Variants in CDH13 observed in about 807,000 individuals in gnomAD.
CDH13 encodes the protein cadherin 13, also known as cadherin-13.
In CDH13, 24 loss-of-function variants were observed where a neutral mutation model predicts 63.8. The observed-to-expected ratio is 0.38, with a 90% CI of 0.27 to 0.53. The LOEUF is 0.53. Among genes scored for constraint, CDH13 ranks in the 20% least tolerant of loss-of-function variants. CDH13 has a pLI of 0.85. For synonymous variants in CDH13, 503 were observed against 355.3 expected (o/e 1.42, Z -4.67); for missense variants, 1,049 against 903.1 (o/e 1.16, Z -2.07).
intron 4 of CDH13, among the ~76,000 whole-genome samples, chr16:83,147,488 G>GTATCC (rs1567876629): frequency 6.6e-6 from 1 of 152,092 alleles, no homozygotes; most frequent in Non-Finnish European, 1.5e-5. Flanking sequence ...TTCTGATCTG[G>GTATCC]TGCCTTATCC....
intron 1 of CDH13, among the ~76,000 whole-genome samples, chr16:82,819,162 A>G (rs1442689561): frequency 3.9e-5 from 6 of 152,224 alleles, no homozygotes; most frequent in Non-Finnish European, 8.8e-5. Context: ...TTTTATTGCC[A>G]CAAAGTAATC....
chr16:82,887,156 C>G (rs1318436189), intron 2 of CDH13, among the ~76,000 whole-genome samples: 1 of 152,122 alleles, frequency 6.6e-6, no homozygotes, highest in Non-Finnish European at 1.5e-5. Flanking sequence ...AAAGATTTAT[C>G]TTCACCAATG....
At chr16:83,443,303 C>T (rs926367895) in intron 6 of CDH13, among the ~76,000 whole-genome samples, 7 of 152,106 alleles carry the variant, frequency 4.6e-5, no homozygotes, top group African/African-American at 1.2e-4. Context: ...GAGGCCCTTC[C>T]GCAACAGGTG....
intron 2 of CDH13, among the ~76,000 whole-genome samples, chr16:82,918,581 T>A (rs941609428): frequency 6.7e-6 from 1 of 149,464 alleles, no homozygotes; most frequent in African/African-American, 2.5e-5. Flanking sequence ...CTATCTCCGA[T>A]CCCTGGAACT....
intron 7 of CDH13, among the ~76,000 whole-genome samples, chr16:83,497,843 A>T (rs78306120): frequency 6.6e-6 from 1 of 152,074 alleles, no homozygotes; most frequent in Non-Finnish European, 1.5e-5. Flanking sequence ...TCATATGTCT[A>T]TATCTGAAGT....
chr16:82,737,607 G>A (rs900191968), intron 1 of CDH13, among the ~76,000 whole-genome samples: 4 of 152,176 alleles, frequency 2.6e-5, no homozygotes, highest in Non-Finnish European at 5.9e-5. Context: ...TAGTGTGGTG[G>A]GGATTTGAGG....
At chr16:82,901,138 T>C (rs1240067553) in intron 2 of CDH13, among the ~76,000 whole-genome samples, 1 of 151,960 alleles carries the variant, frequency 6.6e-6, no homozygotes, top group Non-Finnish European at 1.5e-5. Context: ...GGAATCTGTT[T>C]AGGGAATAAA....
intron 5 of CDH13, among the ~76,000 whole-genome samples, chr16:83,282,006 C>T (rs1252446148): frequency 6.6e-6 from 1 of 152,064 alleles, no homozygotes; most frequent in Non-Finnish European, 1.5e-5. Flanking sequence ...TTCACTTGAA[C>T]ACTTAGAGAC....
At chr16:83,401,719 G>A (rs2091970960) in intron 6 of CDH13, among the ~76,000 whole-genome samples, 1 of 152,148 alleles carries the variant, frequency 6.6e-6, no homozygotes, top group Non-Finnish European at 1.5e-5. Flanking sequence ...TGCGTGACTG[G>A]TAAGTAGCAG....
At chr16:83,026,762 G>C (rs1915844048) in intron 2 of CDH13, among the ~76,000 whole-genome samples, 1 of 152,164 alleles carries the variant, frequency 6.6e-6, no homozygotes, top group Non-Finnish European at 1.5e-5. Flanking sequence ...ATAAATAGTA[G>C]TGCCATGACT....
chr16:83,248,938 G>A (rs1465673948), intron 5 of CDH13, among the ~76,000 whole-genome samples: 4 of 152,106 alleles, frequency 2.6e-5, no homozygotes, highest in South Asian at 2.1e-4. Context: ...CACTTAACTC[G>A]TGCCCTGAAT....
At chr16:83,230,682 G>A (rs207476225) in intron 5 of CDH13, among the ~76,000 whole-genome samples, 3 of 152,174 alleles carry the variant, frequency 2.0e-5, no homozygotes, top group Non-Finnish European at 4.4e-5. Flanking sequence ...AGCTACTTGG[G>A]AGGCTGAGGC....
chr16:83,676,783 T>C (rs1290253479), intron 9 of CDH13, among the ~76,000 whole-genome samples: 3 of 152,230 alleles, frequency 2.0e-5, no homozygotes, highest in Non-Finnish European at 4.4e-5. Flanking sequence ...ATGTGTGGCG[T>C]GCTTAGCACT....
At chr16:83,326,478 G>C (rs1421210224) in intron 5 of CDH13, among the ~76,000 whole-genome samples, 1 of 151,102 alleles carries the variant, frequency 6.6e-6, no homozygotes, top group African/African-American at 2.4e-5. Context: ...GAACTCTATG[G>C]GAGTACAATA....
chr16:82,770,294 C>T (rs552036409), intron 1 of CDH13, among the ~76,000 whole-genome samples: 72 of 152,298 alleles, frequency 4.7e-4, no homozygotes, highest in Middle Eastern at 3.4e-3. Context: ...TGTTACCCAA[C>T]CAATCAGAAA....
rs183594824 is a variant in CDH13 at position 83,534,043 on chromosome 16, C to T, written c.960+47388C>T. Among the ~76,000 whole-genome samples the T allele has an allele frequency of 3.3e-3, 499 of 152,246 alleles. 3 individuals carry two copies. The highest frequency in any genetic ancestry group is 0.011 in the African/African-American group (477 of 41,520). ...AATTCAGTGCCATTTAGTGGATGGA[C>T]AGTGTTGTATAAGGCACCACCTCTA... On this transcript the variant is annotated intron_variant, in intron 7 of 13. Coordinates refer to ENST00000567109, the MANE Select transcript of CDH13 (RefSeq NM_001257.5).
At chr16:82,672,651 G>T (rs1913390094) in intron 1 of CDH13, among the ~76,000 whole-genome samples, 1 of 151,658 alleles carries the variant, frequency 6.6e-6, no homozygotes, top group Non-Finnish European at 1.5e-5. Context: ...TCCTCCATCT[G>T]CCTTGTAAAT....
At chr16:83,144,038 T>C (rs1195121329) in intron 4 of CDH13, among the ~76,000 whole-genome samples, 1 of 152,082 alleles carries the variant, frequency 6.6e-6, no homozygotes, top group African/African-American at 2.4e-5. Flanking sequence ...CTGTTTGTTC[T>C]TGTATGAGAT....
chr16:83,345,542 T>C (rs1457631901), intron 6 of CDH13, among the ~76,000 whole-genome samples: 1 of 152,242 alleles, frequency 6.6e-6, no homozygotes, highest in Non-Finnish European at 1.5e-5. Flanking sequence ...CGTAAATGCA[T>C]GTGCCTACTG....
Sources: gnomAD v4.1 joint callset for allele counts (sites outside exome capture counted in the v4.1 genomes callset) on GRCh38, gnomAD v4.1.1 for gene constraint, MANE v1.5 for transcripts, NCBI Gene and HGNC (gene_info 2026-07-23, HGNC 2026-07-21) for gene names.